The following RGS8 variants were observed in gnomAD, a reference collection of about 807,000 sequenced individuals.
RGS8 encodes the protein regulator of G-protein signaling 8.
RGS8 carries 8 observed loss-of-function variants against 21.7 expected under a neutral mutation model. The ratio of observed to expected loss-of-function variants is 0.37; its 90% CI spans 0.22 to 0.66. The LOEUF (loss-of-function observed/expected upper bound fraction) is 0.66, where lower values mean the gene tolerates loss of function less well. Among genes scored for constraint, RGS8 ranks in the 30% least tolerant of loss-of-function variants. The probability of loss-of-function intolerance (pLI) is 0.59; values close to 1 mark genes in which losing one functional copy is unlikely to be tolerated. For synonymous variants in RGS8, 80 were observed against 83.6 expected, an observed-to-expected ratio of 0.96 and a Z score of 0.24; for missense variants, 157 against 217.9, an observed-to-expected ratio of 0.72 and a Z score of 1.76.
At chr1:182,720,920 C>CATATATACATATATACAT in the RGS8 span, among the ~76,000 whole-genome samples, 1,476 of 52,132 alleles carry the variant, frequency 0.028, 173 homozygotes, top group African/African-American at 0.051. Flanking sequence ...TGTGTATATA[C>CATATATACATATATACAT]ATATATACAT....
chr1:182,750,159 T>A, the RGS8 span, among the ~76,000 whole-genome samples: 1 of 152,242 alleles, frequency 6.6e-6, no homozygotes, highest in African/African-American at 2.4e-5. Flanking sequence ...TGAGATATGT[T>A]TAACAGCTCT....
the RGS8 span, among the ~76,000 whole-genome samples, chr1:182,724,243 T>G: frequency 1.5e-5 from 2 of 132,048 alleles, no homozygotes; most frequent in African/African-American, 5.9e-5. Context: ...TATATATATA[T>G]ATATCCTATT....
intron 5 of RGS8, among the ~76,000 whole-genome samples, chr1:182,661,807 T>TTC (rs1491400981): frequency 1.8e-5 from 2 of 113,274 alleles, no homozygotes; most frequent in African/African-American, 7.9e-5. Flanking sequence ...TGTACACACA[T>TTC]TCACACACAC....
downstream of RGS8, chr1:182,642,812 G>A (rs1178599013): frequency 1.3e-5 from 2 of 152,226 alleles, no homozygotes; most frequent in Non-Finnish European, 2.9e-5. Context: ...AGGGAATGGT[G>A]AGGGCTTGGA....
At chr1:182,681,768 C>T (rs1305895346) in intron 1 of RGS8, among the ~76,000 whole-genome samples, 3 of 152,216 alleles carry the variant, frequency 2.0e-5, no homozygotes, top group South Asian at 4.1e-4. Context: ...GGGTGCACTC[C>T]GATGCACGGA....
At chr1:182,729,080 G>A in the RGS8 span, among the ~76,000 whole-genome samples, 8 of 152,334 alleles carry the variant, frequency 5.3e-5, no homozygotes, top group East Asian at 1.9e-4. Context: ...CTTCTTTTAC[G>A]AGGCTTTCTG....
the RGS8 span, among the ~76,000 whole-genome samples, chr1:182,747,041 G>GTTTTTTTTTTTTTTTT: frequency 3.8e-5 from 1 of 26,240 alleles, no homozygotes; most frequent in Non-Finnish European, 1.1e-4. Flanking sequence ...AACACTGCTG[G>GTTTTTTTTTTTTTTTT]TCTTTTTTTT....
the RGS8 span, among the ~76,000 whole-genome samples, chr1:182,706,960 C>T: frequency 1.3e-5 from 2 of 151,886 alleles, no homozygotes; most frequent in African/African-American, 4.8e-5. Flanking sequence ...GAGTTCAAGA[C>T]CAGCCTGCCC....
At chr1:182,655,047 T>C (rs1214197392) in intron 5 of RGS8, among the ~76,000 whole-genome samples, 2 of 152,244 alleles carry the variant, frequency 1.3e-5, no homozygotes, top group South Asian at 2.1e-4. Context: ...ATGAATCTTA[T>C]GGTACTGGCT....
the RGS8 span, among the ~76,000 whole-genome samples, chr1:182,747,484 A>G: frequency 1.3e-5 from 2 of 152,228 alleles, no homozygotes; most frequent in Non-Finnish European, 2.9e-5. Context: ...TGTCAGAGAC[A>G]CTATCTTAAT....
chr1:182,723,665 G>C, the RGS8 span, among the ~76,000 whole-genome samples: 1 of 136,576 alleles, frequency 7.3e-6, no homozygotes, highest in African/African-American at 2.6e-5. Flanking sequence ...GACTATGCAA[G>C]GGTCTAAAAC....
At chr1:182,673,485 A>G (rs1409204018), upstream of RGS8, among the ~76,000 whole-genome samples, 1 of 151,908 alleles carries the variant, frequency 6.6e-6, no homozygotes, top group African/African-American at 2.4e-5. Context: ...TTCTGGGCAG[A>G]TCTATTGGTG....
At chr1:182,685,992 G>A (rs757810204), upstream of RGS8, among the ~76,000 whole-genome samples, 1 of 152,134 alleles carries the variant, frequency 6.6e-6, no homozygotes, top group East Asian at 1.9e-4. Flanking sequence ...GGAGCACGGA[G>A]GAAGGGGGAT....
upstream of RGS8, chr1:182,671,935 A>C: frequency 7.1e-7 from 1 of 1,417,608 alleles, no homozygotes. Flanking sequence ...GAAGCAGCCT[A>C]CACCCAGCGG....
At position 182,662,962 on chromosome 1, in the gene RGS8, GA is replaced by G. The variant is rs369859962; in HGVS notation, c.193+3006del. Among the ~76,000 whole-genome samples the G allele has an allele frequency of 3.3e-3, 429 of 130,418 alleles. 2 individuals carry two copies. Among genetic ancestry groups the G allele is most frequent in the African/African-American group, 0.016 (393 of 24,094 alleles). The allele number at this position is 130,418 out of a possible 152,430, so 85.6% of individuals were successfully genotyped here. On this transcript the variant is annotated intron_variant, in intron 5 of 6. Transcript: ENST00000483095. ...TGTAGATTGAGAATGGGGAGGGGGG[GA>G]AATAATCATCTGTGTTTTCTGAAAT...
chr1:182,683,216 A>G (rs1333038597), intron 1 of RGS8, among the ~76,000 whole-genome samples: 1 of 152,206 alleles, frequency 6.6e-6, no homozygotes, highest in Admixed American at 6.5e-5. Context: ...GAGAACAAAC[A>G]GTTAATAAAG....
chr1:182,746,899 C>G, the RGS8 span, among the ~76,000 whole-genome samples: 1 of 151,744 alleles, frequency 6.6e-6, no homozygotes, highest in Non-Finnish European at 1.5e-5. Flanking sequence ...CATCTCCTAT[C>G]TTTTGCTTTT....
the RGS8 span, among the ~76,000 whole-genome samples, chr1:182,743,807 C>G: frequency 6.6e-6 from 1 of 152,220 alleles, no homozygotes; most frequent in East Asian, 1.9e-4. Flanking sequence ...AATGCACACA[C>G]ATACACATGC....
chr1:182,652,294 T>C (rs577862194), intron 5 of RGS8, among the ~76,000 whole-genome samples: 1 of 152,348 alleles, frequency 6.6e-6, no homozygotes, highest in African/African-American at 2.4e-5. Context: ...CCTTCCTTCA[T>C]GGTACTTGTA....
Sources: allele counts gnomAD v4.1 joint callset (sites outside exome capture counted in the v4.1 genomes callset), GRCh38; gene constraint gnomAD v4.1.1; transcripts MANE v1.5; gene names NCBI Gene and HGNC (gene_info 2026-07-23, HGNC 2026-07-21).